Variants in SP100 observed in about 807,000 individuals in gnomAD.
SP100 encodes the protein nuclear autoantigen Sp-100.
SP100 carries 84 observed loss-of-function variants against 130.0 expected under a neutral mutation model. The ratio of observed to expected loss-of-function variants is 0.65; its 90% CI spans 0.54 to 0.77. The LOEUF is 0.77. Ranked by LOEUF, SP100 falls within the 30% of genes least tolerant of loss-of-function variation. The pLI, the probability that SP100 is intolerant of heterozygous loss-of-function variation, is 0.00. For synonymous variants in SP100, 331 were observed against 351.7 expected, an observed-to-expected ratio of 0.94 and a Z score of 0.66; for missense variants, 978 against 1,052.2, an observed-to-expected ratio of 0.93 and a Z score of 0.97.
chr2:230,543,291 T>A lies in SP100; in HGVS notation c.*345T>A. The A allele has an allele frequency of 5.9e-6, 1 of 168,142 alleles. No homozygotes were observed. The highest frequency in any genetic ancestry group is 1.3e-5 in the Non-Finnish European group (1 of 78,466). 10.4% of individuals were successfully genotyped at this position (168,142 alleles called of 1,614,324 possible). Reference sequence around the variant, plus strand: ...TCACCACTCCTATTCAACAAAGTATTGGAAGTCCTGGTCAGAGCAGTCAGG... The same window carrying A: ...TCACCACTCCTATTCAACAAAGTATAGGAAGTCCTGGTCAGAGCAGTCAGG... On this transcript the variant is annotated 3_prime_UTR_variant, in exon 29 of 29. Transcript: ENST00000340126.
chr2:230,445,607 A>T (rs1339079885), intron 4 of SP100, among the ~76,000 whole-genome samples: 3 of 152,240 alleles, frequency 2.0e-5, no homozygotes, highest in Admixed American at 6.5e-5. Context: ...CTAAATTAAT[A>T]ATAAAATAAT....
intron 19 of SP100, among the ~76,000 whole-genome samples, chr2:230,502,685 C>T (rs924863544): frequency 3.3e-5 from 5 of 152,072 alleles, no homozygotes; most frequent in Admixed American, 6.6e-5. Flanking sequence ...GATTTGGAGA[C>T]GTTAATAGAG....
At chr2:230,508,218 C>A in intron 23 of SP100, 187 bp downstream of exon 23, 1 of 797,976 alleles carries the variant, frequency 1.3e-6, no homozygotes, top group Non-Finnish European at 1.8e-6. Flanking sequence ...AACATCAAAA[C>A]GTTTGAGATA....
intron 17 of SP100, among the ~76,000 whole-genome samples, chr2:230,481,060 T>TGGTGGTGG (rs1310821797): frequency 3.7e-5 from 5 of 136,336 alleles, no homozygotes; most frequent in South Asian, 2.6e-4. Flanking sequence ...GGTGGTGGTG[T>TGGTGGTGG]TGGTCCCTTC....
At chr2:230,538,652 GGGGACTCTTC>G (rs1453073034) in intron 24 of SP100, 1 of 152,384 alleles carries the variant, frequency 6.6e-6, no homozygotes, top group African/African-American at 2.4e-5. Flanking sequence ...CCTAAGTCAT[GGGGACTCTTC>G]CTCCAGGTTC....
chr2:230,469,218 G>A, intron 14 of SP100, 122 bp downstream of exon 14: 1 of 666,688 alleles, frequency 1.5e-6, no homozygotes, highest in Non-Finnish European at 2.5e-6. Context: ...TAGATGATTT[G>A]CATTTTACAT....
chr2:230,473,190 GA>G, intron 15 of SP100, 133 bp from the exon 16 acceptor site: 2 of 585,812 alleles, frequency 3.4e-6, no homozygotes, highest in South Asian at 2.4e-5. Flanking sequence ...AACCACAAAA[GA>G]AAAAGAGATT....
At chr2:230,472,751 T>A (rs1442567708) in intron 15 of SP100, among the ~76,000 whole-genome samples, 1 of 152,150 alleles carries the variant, frequency 6.6e-6, no homozygotes, top group Non-Finnish European at 1.5e-5. Context: ...TAAAAGCAAC[T>A]TTAGCACAAG....
chr2:230,497,394 T>G (rs566845424), intron 18 of SP100, among the ~76,000 whole-genome samples: 1 of 142,692 alleles, frequency 7.0e-6, no homozygotes, highest in African/African-American at 2.6e-5. Flanking sequence ...GAAAGAAAAA[T>G]GCAGGGAGAT....
At chr2:230,472,946 A>C (rs1272169129) in intron 15 of SP100, among the ~76,000 whole-genome samples, 1 of 152,242 alleles carries the variant, frequency 6.6e-6, no homozygotes, top group East Asian at 1.9e-4. Flanking sequence ...TCATTCATCC[A>C]AGTGTCAGAA....
At chr2:230,436,870 A>G (rs1380590636) in intron 2 of SP100, among the ~76,000 whole-genome samples, 2 of 150,380 alleles carry the variant, frequency 1.3e-5, no homozygotes, top group African/African-American at 2.5e-5. Context: ...ACATATGTAT[A>G]TGTGTATACA....
At chr2:230,478,760 T>C (rs184032387) in intron 17 of SP100, among the ~76,000 whole-genome samples, 2 of 152,316 alleles carry the variant, frequency 1.3e-5, no homozygotes, top group African/African-American at 4.8e-5. Context: ...TCAATGTTAC[T>C]GGGAAAAATA....
At chr2:230,453,745 G>T (rs1398402122) in intron 8 of SP100, among the ~76,000 whole-genome samples, 1 of 152,132 alleles carries the variant, frequency 6.6e-6, no homozygotes, top group Non-Finnish European at 1.5e-5. Flanking sequence ...CAAGGATAGT[G>T]GCCTATAATT....
chr2:230,477,740 A>G (rs1161337971), intron 17 of SP100, among the ~76,000 whole-genome samples: 2 of 151,810 alleles, frequency 1.3e-5, no homozygotes, highest in South Asian at 2.1e-4. Flanking sequence ...ATCTCTCCCA[A>G]CTCCTTCCCA....
intron 2 of SP100, among the ~76,000 whole-genome samples, chr2:230,441,615 G>T (rs1257829758): frequency 6.6e-6 from 1 of 152,098 alleles, no homozygotes; most frequent in African/African-American, 2.4e-5. Flanking sequence ...AAAGAAGGCA[G>T]ACACAAAAGC....
chr2:230,511,539 G>C (rs1690587705), intron 24 of SP100, among the ~76,000 whole-genome samples: 1 of 152,184 alleles, frequency 6.6e-6, no homozygotes, highest in Admixed American at 6.5e-5. Flanking sequence ...GGTGGGAATG[G>C]AAAGGAAAAT....
At chr2:230,491,259 C>G (rs950026839) in intron 17 of SP100, among the ~76,000 whole-genome samples, 1 of 152,260 alleles carries the variant, frequency 6.6e-6, no homozygotes, top group Non-Finnish European at 1.5e-5. Flanking sequence ...TTCCTCAGAA[C>G]TACCAGGAGG....
intron 24 of SP100, among the ~76,000 whole-genome samples, chr2:230,519,832 G>T (rs1307612903): frequency 6.6e-6 from 1 of 152,142 alleles, no homozygotes; most frequent in Non-Finnish European, 1.5e-5. Flanking sequence ...ATTTTCAAAA[G>T]ATCCCCATTT....
intron 7 of SP100, 130 bp downstream of exon 7, chr2:230,449,840 G>C (rs1295464175): frequency 1.0e-6 from 1 of 956,296 alleles, no homozygotes; most frequent in East Asian, 2.4e-5. Context: ...TAGACACAGA[G>C]GGGGCCTGTT....
Sources: allele counts gnomAD v4.1 joint callset (sites outside exome capture counted in the v4.1 genomes callset), GRCh38; gene constraint gnomAD v4.1.1; transcripts MANE v1.5; gene names NCBI Gene and HGNC (gene_info 2026-07-23, HGNC 2026-07-21).